Variants in TAFA2 observed in about 807,000 individuals in gnomAD.
TAFA2 encodes the protein chemokine-like protein TAFA-2.
In TAFA2, 7 loss-of-function variants were observed where a neutral mutation model predicts 18.8. The ratio of observed to expected loss-of-function variants is 0.37; its 90% CI spans 0.21 to 0.70. TAFA2 has a LOEUF of 0.70. Among genes scored for constraint, TAFA2 ranks in the 30% least tolerant of loss-of-function variants. TAFA2 has a pLI of 0.53. For missense variants in TAFA2, 122 were observed against 158.1 expected (o/e 0.77, Z 1.23); for synonymous variants, 60 against 54.2 (o/e 1.11, Z -0.47).
chr12:62,131,722 A>T (rs1044416570), intron 1 of TAFA2, among the ~76,000 whole-genome samples: 14 of 152,124 alleles, frequency 9.2e-5, no homozygotes, highest in Middle Eastern at 3.4e-3. Flanking sequence ...TAAAATGACC[A>T]TTTTTTAATG....
chr12:61,785,334 T>TGTGTGA (rs1046327108), intron 2 of TAFA2, among the ~76,000 whole-genome samples: 1 of 150,456 alleles, frequency 6.6e-6, no homozygotes, highest in African/African-American at 2.4e-5. Context: ...TGTGTGTGTG[T>TGTGTGA]GTGTGTGTGT....
intron 1 of TAFA2, among the ~76,000 whole-genome samples, chr12:62,058,826 G>A (rs913355105): frequency 5.9e-5 from 9 of 152,154 alleles, no homozygotes; most frequent in African/African-American, 1.7e-4. Context: ...ATCTGAGTGC[G>A]GGTGCAATGG....
At chr12:61,810,002 G>T (rs1349054076) in intron 2 of TAFA2, among the ~76,000 whole-genome samples, 3 of 151,262 alleles carry the variant, frequency 2.0e-5, no homozygotes, top group Non-Finnish European at 4.4e-5. Flanking sequence ...ATCTGCCAGG[G>T]AATCATAGGA....
intron 2 of TAFA2, among the ~76,000 whole-genome samples, chr12:61,828,125 T>G (rs1872590119): frequency 6.6e-6 from 1 of 151,974 alleles, no homozygotes; most frequent in Non-Finnish European, 1.5e-5. Context: ...ACCTGTGTAC[T>G]CAGCCTACCT....
rs1468640391 is a variant in TAFA2, at chr12:61,778,303, T to A, written c.107-23279A>T. Reference sequence around the variant, plus strand: ...GCAAGGAAGCTGCCAAGAAAAACTTTCAAACCATTCTGCTACCATCCCCAC... The same window carrying A: ...GCAAGGAAGCTGCCAAGAAAAACTTACAAACCATTCTGCTACCATCCCCAC... On this transcript the variant is annotated intron_variant, in intron 2 of 4. Coordinates refer to ENST00000416284, the MANE Select transcript of TAFA2 (RefSeq NM_178539.5). Among the ~76,000 whole-genome samples, 3 of 151,758 alleles carry A rather than the reference T, an allele frequency of 2.0e-5. No homozygotes were observed. The East Asian group carries it at 5.9e-4, about 30-fold the overall frequency.
At chr12:62,243,928 C>T (rs1048576553) in intron 1 of TAFA2, among the ~76,000 whole-genome samples, 5 of 152,084 alleles carry the variant, frequency 3.3e-5, no homozygotes, top group Non-Finnish European at 5.9e-5. Flanking sequence ...CTCTAGCTCC[C>T]AGGGCATGTG....
chr12:61,710,246 CTTGATTTCAAGA>C lies in TAFA2; in HGVS notation c.*148_*159del, dbSNP rs1346783735. 1.9e-5 allele frequency: 12 copies of C among 630,426 alleles called. No homozygotes were observed. The highest frequency in any genetic ancestry group is 5.6e-5 in the African/African-American group (3 of 53,660). The allele number at this position is 630,426 out of a possible 1,614,324, so 39.1% of individuals were successfully genotyped here. ...AGTTCATGTCTGACTTTTAAAAAGT[CTTGATTTCAAGA>C]AGAGGCCATGAAATCCCTTGGAAAT... On this transcript the variant is annotated 3_prime_UTR_variant, in exon 5 of 5. Transcript: ENST00000416284.
chr12:61,859,797 T>A (rs1401629784), intron 2 of TAFA2, among the ~76,000 whole-genome samples: 1 of 152,162 alleles, frequency 6.6e-6, no homozygotes, highest in Non-Finnish European at 1.5e-5. Flanking sequence ...GAGATACCTC[T>A]GTGGGAAGAG....
intron 1 of TAFA2, among the ~76,000 whole-genome samples, chr12:62,210,529 G>A (rs571131003): frequency 6.6e-6 from 1 of 152,092 alleles, no homozygotes; most frequent in African/African-American, 2.4e-5. Context: ...GTCAAAACAG[G>A]GCAACTGCAG....
Position 62,041,740 on chromosome 12 carries a change from T to A in TAFA2, c.-2+149519A>T, listed in dbSNP as rs348679. On this transcript the variant is annotated intron_variant, in intron 1 of 4. Transcript: ENST00000416284. The stretch of plus-strand genomic sequence containing the variant: ...CATAAACCATAGGTACATTACAATA[T>A]AGAATCTAAGTGCTTTTATTAACAT... Among the ~76,000 whole-genome samples, 941 of 151,944 alleles carry A rather than the reference T, an allele frequency of 6.2e-3. 12 individuals carry two copies. Among genetic ancestry groups the A allele is most frequent in the Non-Finnish European group, 7.8e-3 (533 of 67,954 alleles).
intron 2 of TAFA2, among the ~76,000 whole-genome samples, chr12:61,800,488 A>T (rs753244854): frequency 1.3e-5 from 2 of 152,168 alleles, no homozygotes; most frequent in Non-Finnish European, 2.9e-5. Context: ...CCCAATACTG[A>T]AGGAGAAACA....
intron 2 of TAFA2, among the ~76,000 whole-genome samples, chr12:61,755,965 T>C (rs1869246504): frequency 6.6e-6 from 1 of 152,120 alleles, no homozygotes; most frequent in Non-Finnish European, 1.5e-5. Flanking sequence ...TCAGTAATTT[T>C]AAAAGTGTAA....
At chr12:62,191,069 G>A (rs1021032063) in intron 1 of TAFA2, among the ~76,000 whole-genome samples, 190 bp downstream of exon 1, 2 of 152,090 alleles carry the variant, frequency 1.3e-5, no homozygotes, top group African/African-American at 4.8e-5. Flanking sequence ...GCCCGCGAGG[G>A]AGACGCCGGC....
rs370044925 is a variant in TAFA2, at chr12:61,930,179, A to G, written c.-1-62753T>C. 1.2e-4 allele frequency among the ~76,000 whole-genome samples: 18 copies of G among 152,216 alleles called. 1 individual carries two copies. The highest frequency in any genetic ancestry group is 3.3e-4 in the Admixed American group (5 of 15,292). ...ATAAAAAAATAAATAAATAAAAAGA[A>G]AACGGGAAGAGAAGGGCAATTGAGA... is the stretch of plus-strand genomic sequence containing the variant. On this transcript the variant is annotated intron_variant, in intron 1 of 4. Transcript: ENST00000416284.
intron 1 of TAFA2, among the ~76,000 whole-genome samples, chr12:62,158,394 A>G (rs931695650): frequency 6.6e-6 from 1 of 152,208 alleles, no homozygotes; most frequent in Non-Finnish European, 1.5e-5. Flanking sequence ...CTAGTCTAAA[A>G]GGGAGAGAGT....
intron 2 of TAFA2, among the ~76,000 whole-genome samples, chr12:61,770,207 A>AAAAATT (rs1038236085): frequency 2.4e-4 from 37 of 152,240 alleles, no homozygotes; most frequent in African/African-American, 7.9e-4. Flanking sequence ...AAAAGAATAA[A>AAAAATT]AAAATTAATA....
intron 1 of TAFA2, among the ~76,000 whole-genome samples, chr12:62,035,824 C>T (rs1362773098): frequency 7.0e-6 from 1 of 142,244 alleles, no homozygotes; most frequent in East Asian, 2.0e-4. Context: ...TCACTGCAAG[C>T]TCCGCCTCCC....
At chr12:61,920,576 G>T (rs1877008660) in intron 1 of TAFA2, among the ~76,000 whole-genome samples, 1 of 152,098 alleles carries the variant, frequency 6.6e-6, no homozygotes. Context: ...ATTGTTCCTT[G>T]TTACGATGAT....
intron 2 of TAFA2, among the ~76,000 whole-genome samples, chr12:61,783,615 A>T (rs1479605761): frequency 6.6e-6 from 1 of 151,614 alleles, no homozygotes; most frequent in Non-Finnish European, 1.5e-5. Context: ...ACACAATGTT[A>T]CTTACTTTAT....
Sources: allele counts gnomAD v4.1 joint callset (sites outside exome capture counted in the v4.1 genomes callset), GRCh38; gene constraint gnomAD v4.1.1; transcripts MANE v1.5; gene names NCBI Gene and HGNC (gene_info 2026-07-23, HGNC 2026-07-21).